The following FGFRL1 variants were observed in gnomAD, a reference collection of about 807,000 sequenced individuals.
FGFRL1 encodes fibroblast growth factor receptor like 1, also known as fibroblast growth factor receptor-like 1.
FGFRL1 carries 24 observed loss-of-function variants against 36.8 expected under a neutral mutation model. The ratio of observed to expected loss-of-function variants is 0.65; its 90% confidence interval spans 0.47 to 0.92. The LOEUF is 0.92. FGFRL1 is among the 40% of genes least tolerant of loss of function. FGFRL1 has a pLI of 0.00. For missense variants in FGFRL1, 785 were observed against 753.4 expected, an observed-to-expected ratio of 1.04 and a Z score of -0.49; for synonymous variants, 422 against 344.1, an observed-to-expected ratio of 1.23 and a Z score of -2.50.
chr4:1,015,652 G>A (rs1476498745), intron 2 of FGFRL1, among the ~76,000 whole-genome samples: 1 of 152,264 alleles, frequency 6.6e-6, no homozygotes, highest in African/African-American at 2.4e-5. Context: ...CTTGCCTGGT[G>A]CTGTTAAGGG....
intron 2 of FGFRL1, among the ~76,000 whole-genome samples, chr4:1,019,604 C>T (rs772047935): frequency 2.0e-5 from 3 of 152,216 alleles, no homozygotes; most frequent in African/African-American, 2.4e-5. Context: ...GCTTCCTCCC[C>T]GGGACAAATT....
chr4:1,021,593 C>T (rs1043465497), intron 2 of FGFRL1, among the ~76,000 whole-genome samples: 1 of 152,196 alleles, frequency 6.6e-6, no homozygotes, highest in Non-Finnish European at 1.5e-5. Flanking sequence ...CACAGACTCT[C>T]ATCCACACAT....
At chr4:1,021,827 T>C (rs1447880413) in intron 2 of FGFRL1, among the ~76,000 whole-genome samples, 5 of 152,186 alleles carry the variant, frequency 3.3e-5, no homozygotes, top group Non-Finnish European at 7.4e-5. Context: ...GCTTCCTGTA[T>C]GACCAGAAGG....
intron 1 of FGFRL1, chr4:1,012,210 C>T (rs1715625646): frequency 2.4e-6 from 1 of 414,928 alleles, no homozygotes; most frequent in Non-Finnish European, 4.3e-6. Flanking sequence ...GTCCTGCGGG[C>T]AGGGCCGGAG....
chr4:1,024,740 G>T, intron 6 of FGFRL1, 76 bp downstream of exon 6: 1 of 1,480,584 alleles, frequency 6.8e-7, no homozygotes, highest in Non-Finnish European at 9.0e-7. Context: ...CCACCCACCG[G>T]GTGGGGCCCC....
At position 1,025,053 on chromosome 4, in the gene FGFRL1, C is replaced by A. The variant is rs577572432; in HGVS notation, c.1221C>A (p.Thr407=). ...GCCAGGCCCAGAAGAAGCCGTGCAC[C>A]CCCGCGCCTGCCCCTCCCCTGCCTG... ...WLCQAQKKPC[T]PAPAPPLPGH... is the part of the protein sequence containing the mutation. Residue 407 remains threonine (T), a synonymous_variant, in exon 7 of 7, where the codon ACC becomes ACA. Coordinates refer to ENST00000510644, the MANE Select transcript of FGFRL1 (RefSeq NM_001004356.3). 3 of 1,609,920 alleles carry A rather than the reference C, an allele frequency of 1.9e-6. No homozygotes were observed. Among genetic ancestry groups the A allele is most frequent in the African/African-American group, 2.7e-5 (2 of 74,970 alleles).
In FGFRL1 at chr4:1,025,905, GAC is replaced by G. The variant is rs1294183656; in HGVS notation, c.*561_*562del. Reference sequence around the variant, plus strand: ...CACGTGTGCACAGATATGCTGTCTGGACACGCACACACATGCAGATATGCTGC... The same window carrying G: ...CACGTGTGCACAGATATGCTGTCTGGACGCACACACATGCAGATATGCTGC... On this transcript the variant is annotated 3_prime_UTR_variant, in exon 7 of 7. Coordinates refer to ENST00000510644, the MANE Select transcript of FGFRL1 (RefSeq NM_001004356.3). 1.2e-5 allele frequency: 2 copies of G among 162,036 alleles called. No individual in the cohort carries two copies. Among genetic ancestry groups the G allele is most frequent in the African/African-American group, 5.0e-5 (2 of 40,282 alleles). 10.0% of individuals were successfully genotyped at this position (162,036 alleles called of 1,614,324 possible). A position where few individuals can be genotyped will look rare whatever the true frequency, so the allele number is the denominator to read the frequency against.
intron 1 of FGFRL1, 39 bp from the exon 2 acceptor site, chr4:1,012,431 A>G (rs1007662513): frequency 5.7e-6 from 9 of 1,571,994 alleles, no homozygotes; most frequent in Non-Finnish European, 7.7e-6. Context: ...GGTATCTCCC[A>G]GTTCCACGTG....
At chr4:1,021,896 C>T (rs1716200403) in intron 2 of FGFRL1, among the ~76,000 whole-genome samples, 1 of 152,240 alleles carries the variant, frequency 6.6e-6, no homozygotes, top group Non-Finnish European at 1.5e-5. Context: ...TGTTTTGCAT[C>T]CTCTGGGGAC....
Position 1,024,358 on chromosome 4 carries a change from A to T in FGFRL1, c.766A>T (p.Thr256Ser). ...GCTCACAGGCACGCACCCCGTGAAC[A>T]CGACGGTGGACTTCGGGGGGACCAC... ...PVLTGTHPVN[T>S]TVDFGGTTSF... is the part of the protein sequence containing the mutation. Residue 256 changes from threonine (T) to serine (S), a missense_variant, in exon 6 of 7, where the codon ACG becomes TCG. Coordinates refer to ENST00000510644, the MANE Select transcript of FGFRL1 (RefSeq NM_001004356.3). 8 of 1,611,940 alleles carry T rather than the reference A, an allele frequency of 5.0e-6. No individual in the cohort carries two copies. Among genetic ancestry groups the T allele is most frequent in the Non-Finnish European group, 6.8e-6 (8 of 1,179,456 alleles).
intron 2 of FGFRL1, among the ~76,000 whole-genome samples, chr4:1,021,606 C>T (rs1716183603): frequency 6.6e-6 from 1 of 152,178 alleles, no homozygotes; most frequent in Non-Finnish European, 1.5e-5. Context: ...CCACACATTG[C>T]ACAGGCTCAG....
At position 1,016,818 on chromosome 4, in the gene FGFRL1, C is replaced by T. The variant is rs559568466; in HGVS notation, c.79+4254C>T. Reference sequence around the variant, plus strand: ...ACCTGATGGGCAGCAGGCTGCGTGGCGGTCACCTGTTCTCTGGCTCCTGGG... The same window carrying T: ...ACCTGATGGGCAGCAGGCTGCGTGGTGGTCACCTGTTCTCTGGCTCCTGGG... On this transcript the variant is annotated intron_variant, in intron 2 of 6. Transcript: ENST00000510644. Among the ~76,000 whole-genome samples the T allele has an allele frequency of 8.7e-4, 132 of 152,248 alleles. 1 individual carries two copies. Among genetic ancestry groups the T allele is most frequent in the Non-Finnish European group, 5.0e-4 (34 of 67,976 alleles).
chr4:1,025,024 C>T lies in FGFRL1; in HGVS notation c.1192C>T (p.Leu398Phe). The change falls in exon 7 of 7, where the codon CTT (leucine) becomes TTT (phenylalanine). Residue 398 changes from leucine to phenylalanine, a missense_variant. By Grantham distance (22) the Leu-to-Phe change is conservative. Transcript: ENST00000510644. ...VFILGTLLLW[L>F]CQAQKKPCTP... is the part of the protein sequence containing the mutation. ...CATCCTGGGCACCCTGCTCCTGTGG[C>T]TTTGCCAGGCCCAGAAGAAGCCGTG... is the stretch of plus-strand genomic sequence containing the variant. 1 of 1,611,184 alleles carries T rather than the reference C, an allele frequency of 6.2e-7. No homozygotes were observed. The highest frequency in any genetic ancestry group is 1.1e-5 in the South Asian group (1 of 91,070).
At chr4:1,018,460 C>T (rs1022648524) in intron 2 of FGFRL1, among the ~76,000 whole-genome samples, 4 of 152,194 alleles carry the variant, frequency 2.6e-5, no homozygotes, top group Admixed American at 6.5e-5. Context: ...GTCTCAGACT[C>T]AGTTTACTCT....
At chr4:1,015,577 C>T (rs1036796680) in intron 2 of FGFRL1, among the ~76,000 whole-genome samples, 1 of 152,202 alleles carries the variant, frequency 6.6e-6, no homozygotes, top group African/African-American at 2.4e-5. Flanking sequence ...GGGTCTCCTT[C>T]CAGGTCATTG....
rs1716479755 is a variant in FGFRL1, at chr4:1,025,638, TGCACGC to T, written c.*292_*297del. Reference sequence around the variant, plus strand: ...TGGGCACACAGATAAGCTGCCCAAATGCACGCACACGCACAGAGACATGCCAGAACA... The same window carrying T: ...TGGGCACACAGATAAGCTGCCCAAATACACGCACAGAGACATGCCAGAACA... On this transcript the variant is annotated 3_prime_UTR_variant, in exon 7 of 7. Transcript: ENST00000510644. 3.8e-6 allele frequency: 2 copies of T among 522,030 alleles called. No homozygotes were observed. Among genetic ancestry groups the T allele is most frequent in the Non-Finnish European group, 6.8e-6 (2 of 292,010 alleles). 32.3% of individuals were successfully genotyped at this position (522,030 alleles called of 1,614,324 possible). A position where few individuals can be genotyped will look rare whatever the true frequency, so the allele number is the denominator to read the frequency against.
rs765357209 is a variant in FGFRL1, at chr4:1,024,345, G to T, written c.753G>T (p.Thr251=). The T allele has an allele frequency of 1.2e-6, 2 of 1,609,828 alleles. No homozygotes were observed. The highest frequency in any genetic ancestry group is 1.7e-6 in the Non-Finnish European group (2 of 1,178,128). ...RTRSKPVLTG[T]HPVNTTVDFG... is the part of the protein sequence containing the mutation. Reference sequence around the variant, plus strand: ...GTTCCAAGCCCGTGCTCACAGGCACGCACCCCGTGAACACGACGGTGGACT... The same window carrying T: ...GTTCCAAGCCCGTGCTCACAGGCACTCACCCCGTGAACACGACGGTGGACT... Residue 251 remains threonine, a synonymous_variant, in exon 6 of 7, where the codon ACG becomes ACT. Coordinates refer to ENST00000510644, the MANE Select transcript of FGFRL1 (RefSeq NM_001004356.3).
intron 2 of FGFRL1, among the ~76,000 whole-genome samples, chr4:1,017,733 GTC>G (rs1182817270): frequency 6.6e-6 from 1 of 152,178 alleles, no homozygotes; most frequent in African/African-American, 2.4e-5. Flanking sequence ...CTGCCTGGGT[GTC>G]TCTCCCTGTG....
intron 2 of FGFRL1, among the ~76,000 whole-genome samples, chr4:1,014,562 G>T (rs1212084292): frequency 6.6e-6 from 1 of 152,148 alleles, no homozygotes; most frequent in Non-Finnish European, 1.5e-5. Context: ...GCCTGTCCAG[G>T]GGTGCCCCAT....
Sources: gnomAD v4.1 joint callset for allele counts (sites outside exome capture counted in the v4.1 genomes callset) on GRCh38, gnomAD v4.1.1 for gene constraint, MANE v1.5 for transcripts, NCBI Gene and HGNC (gene_info 2026-07-23, HGNC 2026-07-21) for gene names.